Variants in TMCC2 observed in about 807,000 individuals in gnomAD.
TMCC2 encodes the protein transmembrane and coiled-coil domains protein 2.
In TMCC2, 16 loss-of-function variants were observed where a neutral mutation model predicts 49.4. The observed-to-expected ratio is 0.32, with a 90% CI of 0.22 to 0.49. TMCC2 has a LOEUF of 0.49. TMCC2 is among the 20% of genes least tolerant of loss of function. The probability of loss-of-function intolerance (pLI) is 0.99; values close to 1 mark genes in which losing one functional copy is unlikely to be tolerated. For missense variants in TMCC2, 762 were observed against 989.8 expected (o/e 0.77, Z 3.09); for synonymous variants, 397 against 434.1 (o/e 0.91, Z 1.06).
At chr1:205,244,099 A>G (rs928377121) in intron 2 of TMCC2, among the ~76,000 whole-genome samples, 1 of 152,234 alleles carries the variant, frequency 6.6e-6, no homozygotes, top group Admixed American at 6.5e-5. Context: ...ATTGGGAACC[A>G]TGGCCTGAAG....
At position 205,268,937 on chromosome 1, in the gene TMCC2, C is replaced by A; in HGVS notation, c.748-13C>A. On this transcript the variant is annotated splice_polypyrimidine_tract_variant and intron_variant, in intron 2 of 4. Transcript: ENST00000358024. ...GGTTTACCCATGCTTCCTCTGCCTG[C>A]CTCTTTCCCCAGGTCGATAAGGGAG... is the stretch of plus-strand genomic sequence containing the variant. 1 of 1,609,874 alleles carries A rather than the reference C, an allele frequency of 6.2e-7. No individual in the cohort carries two copies. Among genetic ancestry groups the A allele is most frequent in the Non-Finnish European group, 8.5e-7 (1 of 1,177,592 alleles).
chr1:205,243,543 AAGT>A (rs1178478460), intron 2 of TMCC2, among the ~76,000 whole-genome samples: 17 of 152,224 alleles, frequency 1.1e-4, no homozygotes, highest in Non-Finnish European at 1.5e-4. Flanking sequence ...TGAAAGTCAG[AAGT>A]AGTAGGTGAG....
rs1668867 is a variant in TMCC2, at chr1:205,271,123, C to T, written c.1686C>T (p.Tyr562=). 0.33 allele frequency: 527,532 copies of T among 1,612,278 alleles called. 93,571 individuals carry two copies. The highest frequency in any genetic ancestry group is 0.37 in the Non-Finnish European group (435,469 of 1,179,902). The stretch of plus-strand genomic sequence containing the variant: ...TCACTCTCTCTCCCTCCGCCAGGTA[C>T]GAGCGGCTGGAGGAGCAGCTCAACG... ...TQCLQEERYR[Y]ERLEEQLNDL... The change falls in exon 4 of 5, where the codon TAC becomes TAT. Residue 562 remains tyrosine (Y), a synonymous_variant. Coordinates refer to ENST00000358024, the MANE Select transcript of TMCC2 (RefSeq NM_014858.4).
chr1:205,262,759 C>A (rs1053779037), intron 2 of TMCC2, among the ~76,000 whole-genome samples: 12 of 152,132 alleles, frequency 7.9e-5, no homozygotes, highest in African/African-American at 2.9e-4. Context: ...GCAAACTCTG[C>A]CTACATCCCC....
chr1:205,267,105 A>C (rs4951182), intron 2 of TMCC2, among the ~76,000 whole-genome samples: 65,661 of 151,948 alleles, frequency 0.43, 15,459 homozygotes, highest in East Asian at 0.85. Context: ...AGGGGGGATG[A>C]GGGGAGACCC....
chr1:205,254,856 A>G (rs1270014566), intron 2 of TMCC2, among the ~76,000 whole-genome samples: 1 of 151,936 alleles, frequency 6.6e-6, no homozygotes, highest in East Asian at 1.9e-4. Flanking sequence ...GCCCCTCCCC[A>G]CCTGTCTCCT....
intron 2 of TMCC2, among the ~76,000 whole-genome samples, chr1:205,260,528 G>A (rs1661062291): frequency 6.6e-6 from 1 of 152,236 alleles, no homozygotes; most frequent in Non-Finnish European, 1.5e-5. Context: ...TACCCACTCT[G>A]TAATGGACAA....
intron 2 of TMCC2, among the ~76,000 whole-genome samples, chr1:205,268,439 C>T (rs1345287042): frequency 1.3e-5 from 2 of 152,100 alleles, no homozygotes; most frequent in Non-Finnish European, 2.9e-5. Context: ...CACGGTGAAA[C>T]CCCATCTCTA....
intron 2 of TMCC2, chr1:205,246,718 T>TA (rs1383091890): frequency 2.8e-5 from 44 of 1,547,728 alleles, no homozygotes; most frequent in Non-Finnish European, 3.7e-5. Flanking sequence ...ATTTTAAAAA[T>TA]CAAATTAGAA....
intron 2 of TMCC2, chr1:205,267,971 C>T (rs1393593770): frequency 4.1e-6 from 4 of 985,288 alleles, no homozygotes; most frequent in Non-Finnish European, 4.8e-6. Context: ...GGGCATGCTC[C>T]TCTCCCAATT....
chr1:205,258,486 G>A (rs565973047), intron 2 of TMCC2, among the ~76,000 whole-genome samples: 2 of 152,230 alleles, frequency 1.3e-5, no homozygotes, highest in Middle Eastern at 3.4e-3. Flanking sequence ...CAATTAAACC[G>A]ATAGGTAGGC....
At chr1:205,233,929 G>A (rs753553625) in intron 1 of TMCC2, 1 of 151,908 alleles carries the variant, frequency 6.6e-6, no homozygotes, top group African/African-American at 2.4e-5. Flanking sequence ...AAATGAAGGA[G>A]AAGACAAGCT....
chr1:205,262,242 C>G (rs1189098103), intron 2 of TMCC2, among the ~76,000 whole-genome samples: 1 of 152,178 alleles, frequency 6.6e-6, no homozygotes, highest in Non-Finnish European at 1.5e-5. Flanking sequence ...GACCCAACAG[C>G]AGATCCCAGG....
chr1:205,252,461 C>G (rs1246294638), intron 2 of TMCC2, among the ~76,000 whole-genome samples: 1 of 152,236 alleles, frequency 6.6e-6, no homozygotes, highest in East Asian at 1.9e-4. Context: ...TATCCTTCCT[C>G]TCGCATTTCC....
At chr1:205,258,486 G>C (rs565973047) in intron 2 of TMCC2, among the ~76,000 whole-genome samples, 1 of 152,112 alleles carries the variant, frequency 6.6e-6, no homozygotes, top group Non-Finnish European at 1.5e-5. Flanking sequence ...CAATTAAACC[G>C]ATAGGTAGGC....
At chr1:205,261,290 G>A (rs549070333) in intron 2 of TMCC2, among the ~76,000 whole-genome samples, 3 of 144,632 alleles carry the variant, frequency 2.1e-5, no homozygotes, top group East Asian at 4.1e-4. Context: ...CTGCAGCCTC[G>A]AACTCCTGGG....
At chr1:205,228,862 G>A in intron 1 of TMCC2, 91 bp downstream of exon 1, 1 of 1,470,884 alleles carries the variant, frequency 6.8e-7, no homozygotes, top group Non-Finnish European at 9.0e-7. Context: ...AAAAGTGAGG[G>A]GGGAAGCCAG....
Position 205,228,791 on chromosome 1 carries a change from C to G in TMCC2, c.207+20C>G. 2 of 1,570,876 alleles carry G rather than the reference C, an allele frequency of 1.3e-6. No homozygotes were observed. The highest frequency in any genetic ancestry group is 8.6e-7 in the Non-Finnish European group (1 of 1,158,654). On this transcript the variant is annotated intron_variant, in intron 1 of 4. Coordinates refer to ENST00000358024, the MANE Select transcript of TMCC2 (RefSeq NM_014858.4). ...TTAAAGGTGAGCGCAGACCATCCCC[C>G]CGGCAAGCCCAGCCCGCGACTTAGC... is the stretch of plus-strand genomic sequence containing the variant.
chr1:205,268,876 G>GTCCAGAGGCA, intron 2 of TMCC2, 74 bp from the exon 3 acceptor site: 2 of 1,468,400 alleles, frequency 1.4e-6, no homozygotes, highest in Non-Finnish European at 1.9e-6. Flanking sequence ...GAAAAACCAA[G>GTCCAGAGGCA]TCCAGAGGCA....
Sources: allele counts gnomAD v4.1 joint callset (sites outside exome capture counted in the v4.1 genomes callset), GRCh38; gene constraint gnomAD v4.1.1; transcripts MANE v1.5; gene names NCBI Gene and HGNC (gene_info 2026-07-23, HGNC 2026-07-21).